The following NEGR1 variants were observed in gnomAD, a reference collection of about 807,000 sequenced individuals.
NEGR1 encodes the protein neuronal growth regulator 1.
In NEGR1, 10 loss-of-function variants were observed where a neutral mutation model predicts 40.9. The ratio of observed to expected loss-of-function variants is 0.24; its 90% CI spans 0.15 to 0.42. The LOEUF is 0.42. Among genes scored for constraint, NEGR1 ranks in the 10% least tolerant of loss-of-function variants. The pLI is 1.00. For missense variants in NEGR1, 352 were observed against 438.9 expected, an observed-to-expected ratio of 0.80 and a Z score of 1.77; for synonymous variants, 185 against 166.8, an observed-to-expected ratio of 1.11 and a Z score of -0.84.
At chr1:71,633,659 C>T (rs2101566923) in intron 4 of NEGR1, among the ~76,000 whole-genome samples, 1 of 152,184 alleles carries the variant, frequency 6.6e-6, no homozygotes, top group South Asian at 2.1e-4. Flanking sequence ...CTTCTCTCTA[C>T]CTCCTTGCTT....
chr1:71,666,218 T>A (rs1204214170), intron 4 of NEGR1, among the ~76,000 whole-genome samples: 2 of 152,204 alleles, frequency 1.3e-5, no homozygotes, highest in African/African-American at 4.8e-5. Flanking sequence ...AGTTCTATTT[T>A]TTTTACAATT....
chr1:72,198,421 G>A (rs1653077069), intron 1 of NEGR1, among the ~76,000 whole-genome samples: 1 of 151,970 alleles, frequency 6.6e-6, no homozygotes, highest in African/African-American at 2.4e-5. Flanking sequence ...GCAACAAGGT[G>A]GAAGGAGCCT....
At chr1:71,434,808 G>GA (rs1486602236) in intron 6 of NEGR1, among the ~76,000 whole-genome samples, 2 of 152,170 alleles carry the variant, frequency 1.3e-5, no homozygotes, top group Non-Finnish European at 2.9e-5. Flanking sequence ...AAACAAGGGG[G>GA]AGGCCGGGCG....
At chr1:71,503,823 G>T (rs1647014192) in intron 6 of NEGR1, among the ~76,000 whole-genome samples, 2 of 151,880 alleles carry the variant, frequency 1.3e-5, no homozygotes, top group African/African-American at 4.8e-5. Flanking sequence ...GTTCACAGGA[G>T]AAGAAAACGA....
chr1:72,005,192 G>A (rs1349162683), intron 1 of NEGR1, among the ~76,000 whole-genome samples: 1 of 151,986 alleles, frequency 6.6e-6, no homozygotes, highest in Non-Finnish European at 1.5e-5. Context: ...GTTTATTTTT[G>A]GCTATGATAT....
At chr1:71,683,602 T>A (rs978024447) in intron 4 of NEGR1, among the ~76,000 whole-genome samples, 2 of 152,060 alleles carry the variant, frequency 1.3e-5, no homozygotes, top group African/African-American at 4.8e-5. Flanking sequence ...TTTTTTAACT[T>A]CTCAAGATAA....
At chr1:71,577,008 T>G (rs1375512270) in intron 6 of NEGR1, among the ~76,000 whole-genome samples, 1 of 152,162 alleles carries the variant, frequency 6.6e-6, no homozygotes, top group Non-Finnish European at 1.5e-5. Context: ...AAAAATAAAG[T>G]TGTTTAAGTC....
intron 1 of NEGR1, among the ~76,000 whole-genome samples, chr1:72,242,355 GTC>G (rs1335625285): frequency 1.3e-4 from 20 of 151,436 alleles, no homozygotes; most frequent in African/African-American, 4.8e-4. Context: ...ATATGTGTGT[GTC>G]TGTGTATATT....
intron 1 of NEGR1, among the ~76,000 whole-genome samples, chr1:72,005,138 A>C (rs2100389631): frequency 6.6e-6 from 1 of 152,284 alleles, no homozygotes. Context: ...GTGAAGATTG[A>C]AAGTTGAAAA....
chr1:71,661,457 T>C (rs989170977), intron 4 of NEGR1, among the ~76,000 whole-genome samples: 1 of 152,216 alleles, frequency 6.6e-6, no homozygotes, highest in African/African-American at 2.4e-5. Flanking sequence ...ACTCTGTTTT[T>C]CCATTCTGCA....
intron 1 of NEGR1, among the ~76,000 whole-genome samples, chr1:72,207,330 G>T (rs902228020): frequency 4.0e-5 from 6 of 151,756 alleles, no homozygotes; most frequent in African/African-American, 1.2e-4. Flanking sequence ...GAAGAAAGGG[G>T]CTAGGGCAAA....
intron 6 of NEGR1, among the ~76,000 whole-genome samples, chr1:71,584,178 AG>A (rs984092685): frequency 2.0e-5 from 3 of 152,190 alleles, no homozygotes; most frequent in Non-Finnish European, 4.4e-5. Flanking sequence ...ACATTTATAA[AG>A]AAAGGAAACC....
chr1:71,830,162 A>T lies in NEGR1; in HGVS notation c.410-53865T>A, dbSNP rs1225373532. ...TCCAAACATTTCAAAACCTCAAAAG[A>T]TCTCTGGGGCAGGGATGGTAAAGTG... On this transcript the variant is annotated intron_variant, in intron 2 of 6. Transcript: ENST00000357731. Among the ~76,000 whole-genome samples the T allele has an allele frequency of 2.0e-5, 3 of 151,854 alleles. No individual in the cohort carries two copies. In the East Asian group the frequency reaches 5.8e-4, roughly 30 times the overall value.
intron 2 of NEGR1, among the ~76,000 whole-genome samples, chr1:71,786,634 G>C (rs1656918815): frequency 6.6e-6 from 1 of 152,170 alleles, no homozygotes; most frequent in Non-Finnish European, 1.5e-5. Context: ...AGTTCTACAT[G>C]TCCAGGCCAA....
chr1:71,438,035 A>G (rs1405945305), intron 6 of NEGR1, among the ~76,000 whole-genome samples: 2 of 152,200 alleles, frequency 1.3e-5, no homozygotes, highest in African/African-American at 4.8e-5. Context: ...ATCTATTTCT[A>G]TTAGCTACAG....
intron 6 of NEGR1, among the ~76,000 whole-genome samples, chr1:71,527,447 C>A (rs562049477): frequency 1.2e-3 from 174 of 143,404 alleles, no homozygotes; most frequent in African/African-American, 4.3e-3. Context: ...ATCCATCCAT[C>A]CATGGGTAAT....
At chr1:72,184,419 A>C (rs1342464201) in intron 1 of NEGR1, among the ~76,000 whole-genome samples, 1 of 152,094 alleles carries the variant, frequency 6.6e-6, no homozygotes, top group Non-Finnish European at 1.5e-5. Flanking sequence ...AAAATGTGCA[A>C]GAGCTTTTCA....
chr1:71,690,155 C>CAT (rs1236506718), intron 4 of NEGR1, among the ~76,000 whole-genome samples: 3 of 152,006 alleles, frequency 2.0e-5, no homozygotes, highest in African/African-American at 7.2e-5. Context: ...AACACACAAA[C>CAT]GTGCATTGTC....
At chr1:71,942,484 T>TATATATATATATA (rs34446850) in intron 1 of NEGR1, among the ~76,000 whole-genome samples, 71 of 4,712 alleles carry the variant, frequency 0.015, 4 homozygotes, top group South Asian at 0.052. Context: ...TATATATATA[T>TATATATATATATA]TTTTTTTTTT....
Sources: allele counts gnomAD v4.1 joint callset (sites outside exome capture counted in the v4.1 genomes callset), GRCh38; gene constraint gnomAD v4.1.1; transcripts MANE v1.5; gene names NCBI Gene and HGNC (gene_info 2026-07-23, HGNC 2026-07-21).